Variants in COL23A1 observed in about 807,000 individuals in gnomAD.
The protein encoded by COL23A1 is collagen type XXIII alpha 1 chain, also known as collagen alpha-1(XXIII) chain.
Under a neutral mutation model 99.3 loss-of-function variants are expected in COL23A1, and 97 were observed. The ratio of observed to expected loss-of-function variants is 0.98; its 90% CI spans 0.83 to 1.16. The LOEUF (loss-of-function observed/expected upper bound fraction) is 1.16. COL23A1 is among the 50% of genes most tolerant of loss of function. The pLI is 0.00. For missense variants in COL23A1, 762 were observed against 757.4 expected, an observed-to-expected ratio of 1.01 and a Z score of -0.07; for synonymous variants, 320 against 308.2, an observed-to-expected ratio of 1.04 and a Z score of -0.40.
In COL23A1 at chr5:178,585,800, C is replaced by T. The variant is rs374217842; in HGVS notation, c.294+4104G>A. ...CCAGTCTTCCTTCCTACCAAAGCCT[C>T]GATTCTGTTCCAGCGGCAACACGCC... On this transcript the variant is annotated intron_variant, in intron 1 of 28. Transcript: ENST00000390654. 1.2e-4 allele frequency among the ~76,000 whole-genome samples: 19 copies of T among 152,042 alleles called. No homozygotes were observed. The South Asian group carries it at 4.0e-3, about 32-fold the overall frequency.
chr5:178,249,093 G>A (rs1235003927), intron 19 of COL23A1, 24 bp downstream of exon 19: 2 of 1,609,582 alleles, frequency 1.2e-6, no homozygotes, highest in Non-Finnish European at 1.7e-6. Context: ...GAGGCGTAAT[G>A]TGTGGCCCAA....
chr5:178,561,519 C>A (rs1343970210), intron 1 of COL23A1, among the ~76,000 whole-genome samples: 5 of 152,130 alleles, frequency 3.3e-5, no homozygotes, highest in Non-Finnish European at 5.9e-5. Flanking sequence ...CCAGAACAAA[C>A]GGTCCCTGCC....
chr5:178,367,982 A>T (rs1397555443), intron 2 of COL23A1, among the ~76,000 whole-genome samples: 1 of 152,104 alleles, frequency 6.6e-6, no homozygotes, highest in Non-Finnish European at 1.5e-5. Flanking sequence ...TCTAAGGGAG[A>T]CGTTGTGTGC....
intron 2 of COL23A1, among the ~76,000 whole-genome samples, chr5:178,368,114 G>C (rs1315695897): frequency 6.6e-6 from 1 of 152,220 alleles, no homozygotes; most frequent in Non-Finnish European, 1.5e-5. Context: ...GGGCAGGCAA[G>C]AAACAGCTCT....
At chr5:178,346,001 A>G (rs1424584615) in intron 2 of COL23A1, among the ~76,000 whole-genome samples, 1 of 152,124 alleles carries the variant, frequency 6.6e-6, no homozygotes, top group Non-Finnish European at 1.5e-5. Flanking sequence ...CATATCTAAG[A>G]TAGAGTTATA....
At chr5:178,526,625 A>G (rs891531787) in intron 2 of COL23A1, among the ~76,000 whole-genome samples, 18 of 152,068 alleles carry the variant, frequency 1.2e-4, no homozygotes, top group African/African-American at 4.3e-4. Context: ...AAAGAGTCTG[A>G]TGCTGCCGTG....
intron 2 of COL23A1, among the ~76,000 whole-genome samples, chr5:178,333,253 G>A (rs914272048): frequency 6.6e-6 from 1 of 152,154 alleles, no homozygotes; most frequent in African/African-American, 2.4e-5. Context: ...ACCGCGCCCG[G>A]CCGACTCATG....
At chr5:178,580,483 A>G (rs927341993) in intron 1 of COL23A1, among the ~76,000 whole-genome samples, 35 of 151,462 alleles carry the variant, frequency 2.3e-4, no homozygotes, top group Middle Eastern at 6.8e-3. Context: ...TTTTTCCCCA[A>G]TGGTTCGTGC....
rs1013398606 is a variant in COL23A1, at chr5:178,259,624, C to A, written c.729+97G>T. ...CTGTGGGTTGGCTCCCAGCCCATCC[C>A]GTCCCCATCCCCATCCCCATTCCGT... is the stretch of plus-strand genomic sequence containing the variant. On this transcript the variant is annotated intron_variant, in intron 12 of 28. Coordinates refer to ENST00000390654, the MANE Select transcript of COL23A1 (RefSeq NM_173465.4). 2.7e-5 allele frequency: 32 copies of A among 1,190,290 alleles called. No individual in the cohort carries two copies. In the African/African-American group the frequency reaches 4.4e-4, roughly 16 times the overall value. 73.7% of individuals were successfully genotyped at this position (1,190,290 alleles called of 1,614,324 possible).
chr5:178,255,765 A>AC lies in COL23A1; in HGVS notation c.882+587dup. ...CCTGGCTCACTGGCTGCCTAATCCAACCCCCTCCCGCTCCCCACCACCTGC... is the reference window on the plus strand; with the variant it reads ...CCTGGCTCACTGGCTGCCTAATCCAACCCCCCTCCCGCTCCCCACCACCTGC... On this transcript the variant is annotated intron_variant, in intron 15 of 28. Transcript: ENST00000390654. This position sits in a 1 kb window ranked among gnomAD's most constrained non-coding sequence, Gnocchi z 4.2. The AC allele has an allele frequency of 3.2e-6, 1 of 311,638 alleles. No homozygotes were observed. The highest frequency in any genetic ancestry group is 3.5e-5 in the Admixed American group (1 of 28,790). The allele number at this position is 311,638 out of a possible 1,614,324, so 19.3% of individuals were successfully genotyped here.
chr5:178,421,403 A>G (rs1236522020), intron 2 of COL23A1, among the ~76,000 whole-genome samples: 1 of 152,158 alleles, frequency 6.6e-6, no homozygotes, highest in Non-Finnish European at 1.5e-5. Context: ...ATAAGGTGGG[A>G]GTAATTATAT....
chr5:178,521,204 C>T (rs933387921), intron 2 of COL23A1, among the ~76,000 whole-genome samples: 1 of 152,158 alleles, frequency 6.6e-6, no homozygotes, highest in African/African-American at 2.4e-5. Flanking sequence ...TGTGGTACAT[C>T]GTTGACTGAA....
In COL23A1 at chr5:178,445,448, G is replaced by T. The variant is rs1049786740; in HGVS notation, c.361+115234C>A. 2.0e-5 allele frequency among the ~76,000 whole-genome samples: 3 copies of T among 151,940 alleles called. No individual in the cohort carries two copies. In the South Asian group the frequency reaches 6.2e-4, roughly 32 times the overall value. ...CCTTCTGAAATTTTCTTGGCCATTTGTACATGTTTATTCTCCTAGATGAAA... is the reference window on the plus strand; with the variant it reads ...CCTTCTGAAATTTTCTTGGCCATTTTTACATGTTTATTCTCCTAGATGAAA... On this transcript the variant is annotated intron_variant, in intron 2 of 28. Transcript: ENST00000390654.
intron 1 of COL23A1, among the ~76,000 whole-genome samples, chr5:178,586,914 G>A (rs1350800956): frequency 2.0e-5 from 3 of 152,180 alleles, no homozygotes; most frequent in African/African-American, 7.2e-5. Context: ...AAAGGAAAAT[G>A]CGTAAACTTT....
chr5:178,458,302 C>T (rs1479752119), intron 2 of COL23A1, among the ~76,000 whole-genome samples: 3 of 151,868 alleles, frequency 2.0e-5, no homozygotes, highest in Non-Finnish European at 2.9e-5. Flanking sequence ...ATGCAGGGGG[C>T]GGGGGTGCAG....
At chr5:178,491,203 T>C (rs780895751) in intron 2 of COL23A1, among the ~76,000 whole-genome samples, 5 of 151,918 alleles carry the variant, frequency 3.3e-5, no homozygotes, top group Admixed American at 2.0e-4. Flanking sequence ...GGGAGATTAC[T>C]AAAGGACAGT....
intron 1 of COL23A1, among the ~76,000 whole-genome samples, chr5:178,586,589 G>T (rs1298718622): frequency 2.1e-5 from 3 of 143,674 alleles, no homozygotes; most frequent in Admixed American, 7.2e-5. Context: ...TTATTATAAA[G>T]CTCTCCCAAA....
chr5:178,339,546 T>C (rs1404990547), intron 2 of COL23A1, among the ~76,000 whole-genome samples: 3 of 152,212 alleles, frequency 2.0e-5, no homozygotes, highest in African/African-American at 7.2e-5. Context: ...AGCCTATCCT[T>C]GGCTGTGTGG....
chr5:178,524,398 T>C (rs1159789360), intron 2 of COL23A1, among the ~76,000 whole-genome samples: 1 of 152,114 alleles, frequency 6.6e-6, no homozygotes, highest in Non-Finnish European at 1.5e-5. Context: ...CTGGGTCACA[T>C]GGGTATCAGC....
Sources: allele counts gnomAD v4.1 joint callset (sites outside exome capture counted in the v4.1 genomes callset), GRCh38; gene constraint gnomAD v4.1.1; non-coding constraint Gnocchi (gnomAD v3.1); transcripts MANE v1.5; gene names NCBI Gene and HGNC (gene_info 2026-07-23, HGNC 2026-07-21).